Variants in FLVCR1 observed in about 807,000 individuals in gnomAD.
FLVCR1 encodes choline/ethanolamine transporter FLVCR1.
In FLVCR1, 34 loss-of-function variants were observed where a neutral mutation model predicts 53.6. The observed-to-expected ratio is 0.63, with a 90% CI of 0.48 to 0.84. FLVCR1 has a LOEUF of 0.84. FLVCR1 is among the 40% of genes least tolerant of loss of function. FLVCR1 has a pLI of 0.00. For synonymous variants in FLVCR1, 300 were observed against 286.3 expected, an observed-to-expected ratio of 1.05 and a Z score of -0.48; for missense variants, 677 against 696.7, an observed-to-expected ratio of 0.97 and a Z score of 0.32.
At chr1:212,892,866 C>T in intron 8 of FLVCR1, among the ~76,000 whole-genome samples, 1 of 151,892 alleles carries the variant, frequency 6.6e-6, no homozygotes, top group Non-Finnish European at 1.5e-5. Context: ...AAACTATCAA[C>T]ATTAACAGGA....
chr1:212,895,596 T>C lies in FLVCR1; in HGVS notation c.*306T>C. The C allele has an allele frequency of 2.7e-6, 1 of 371,696 alleles. No homozygotes were observed. Among genetic ancestry groups the C allele is most frequent in the Non-Finnish European group, 5.0e-6 (1 of 200,104 alleles). The allele number at this position is 371,696 out of a possible 1,614,324, so 23.0% of individuals were successfully genotyped here. A position where few individuals can be genotyped will look rare whatever the true frequency, so the allele number is the denominator to read the frequency against. On this transcript the variant is annotated 3_prime_UTR_variant, in exon 10 of 10. Coordinates refer to ENST00000366971, the MANE Select transcript of FLVCR1 (RefSeq NM_014053.4). ...GACGTTTACTTTTTAAAAGTCGATG[T>C]TTTTCTTTTTTGTAGAAAATGGAAG...
intron 2 of FLVCR1, among the ~76,000 whole-genome samples, chr1:212,866,920 A>C (rs1236162299): frequency 6.6e-6 from 1 of 152,250 alleles, no homozygotes; most frequent in African/African-American, 2.4e-5. Flanking sequence ...TGACATTTAA[A>C]TAGAACACAT....
chr1:212,894,299 G>A (rs12754609), intron 8 of FLVCR1, among the ~76,000 whole-genome samples: 59,931 of 151,878 alleles, frequency 0.39, 13,317 homozygotes, highest in South Asian at 0.52. Context: ...GACTACAGGT[G>A]CGTGCCGCCA....
At chr1:212,889,596 G>A (rs1230417657) in intron 8 of FLVCR1, among the ~76,000 whole-genome samples, 5 of 151,820 alleles carry the variant, frequency 3.3e-5, no homozygotes, top group Non-Finnish European at 5.9e-5. Context: ...GCGAAACCCC[G>A]TCTCTACTAA....
chr1:212,876,507 A>G (rs1475024898), intron 3 of FLVCR1, among the ~76,000 whole-genome samples: 2 of 151,932 alleles, frequency 1.3e-5, no homozygotes, highest in African/African-American at 2.4e-5. Context: ...CTGGGATTAC[A>G]GGCAAGTGCC....
chr1:212,862,642 A>G (rs755116520), intron 1 of FLVCR1, among the ~76,000 whole-genome samples: 40 of 152,324 alleles, frequency 2.6e-4, no homozygotes, highest in Admixed American at 1.7e-3. Flanking sequence ...GCTGCTGTGA[A>G]CATTCATATG....
rs573291696 is a variant in FLVCR1, at chr1:212,887,501, A to C, written c.1197-390A>C. 2.6e-5 allele frequency among the ~76,000 whole-genome samples: 4 copies of C among 152,342 alleles called. No individual in the cohort carries two copies. In the South Asian group the frequency reaches 8.3e-4, roughly 32 times the overall value. On this transcript the variant is annotated intron_variant, in intron 5 of 9. Transcript: ENST00000366971. ...ATAACAAACTAAAATAGATGTCATAAGTTTTATAGTGCCAGTATGATAAGG... is the reference window on the plus strand; with the variant it reads ...ATAACAAACTAAAATAGATGTCATACGTTTTATAGTGCCAGTATGATAAGG...
Position 212,896,643 on chromosome 1 carries a change from GCTAGTCA to G in FLVCR1, c.*1354_*1360del, listed in dbSNP as rs1459870537. The G allele has an allele frequency of 2.0e-5, 3 of 152,036 alleles. No homozygotes were observed. The highest frequency in any genetic ancestry group is 4.4e-5 in the Non-Finnish European group (3 of 68,010). 9.4% of individuals were successfully genotyped at this position (152,036 alleles called of 1,614,324 possible). ...ATTATGTTCATATGCACCCAAAAAA[GCTAGTCA>G]GGTAATGAATACCCTTGAAGTGAAT... On this transcript the variant is annotated 3_prime_UTR_variant, in exon 10 of 10. Transcript: ENST00000366971.
chr1:212,867,572 G>A (rs1000663131), intron 2 of FLVCR1, among the ~76,000 whole-genome samples: 3 of 152,080 alleles, frequency 2.0e-5, no homozygotes, highest in Non-Finnish European at 4.4e-5. Context: ...TTTTTACTGA[G>A]CCTTATTTTT....
chr1:212,889,278 G>A (rs1228703324), intron 8 of FLVCR1, 21 bp downstream of exon 8: 3 of 1,454,256 alleles, frequency 2.1e-6, no homozygotes, highest in East Asian at 2.3e-5. Flanking sequence ...GCGTTTGCCT[G>A]GCAAAAGGAC....
At position 212,898,695 on chromosome 1, in the gene FLVCR1, CAG is replaced by C. The variant is rs1665403583; in HGVS notation, c.*3408_*3409del. 6.6e-6 allele frequency: 1 copy of C among 152,168 alleles called. No homozygotes were observed. Among genetic ancestry groups the C allele is most frequent in the East Asian group, 1.9e-4 (1 of 5,198 alleles). 9.4% of individuals were successfully genotyped at this position (152,168 alleles called of 1,614,324 possible). A position where few individuals can be genotyped will look rare whatever the true frequency, so the allele number is the denominator to read the frequency against. ...TCTACAGTAATGTGTGACTTCATGA[CAG>C]AGCTACATTCTGAGAAATTTGTCAT... On this transcript the variant is annotated 3_prime_UTR_variant, in exon 10 of 10. Coordinates refer to ENST00000366971, the MANE Select transcript of FLVCR1 (RefSeq NM_014053.4).
chr1:212,870,910 A>G (rs993902551), intron 2 of FLVCR1, among the ~76,000 whole-genome samples: 5 of 152,146 alleles, frequency 3.3e-5, no homozygotes, highest in Non-Finnish European at 5.9e-5. Flanking sequence ...AACTACAGGC[A>G]TGTGCCACCA....
chr1:212,886,365 G>A (rs771986879), intron 5 of FLVCR1, among the ~76,000 whole-genome samples: 26 of 151,932 alleles, frequency 1.7e-4, no homozygotes, highest in Non-Finnish European at 3.5e-4. Flanking sequence ...TTTTTATGTT[G>A]TGGGCTTAAA....
intron 2 of FLVCR1, among the ~76,000 whole-genome samples, chr1:212,867,628 A>T (rs1486966843): frequency 6.6e-6 from 1 of 152,182 alleles, no homozygotes; most frequent in Non-Finnish European, 1.5e-5. Context: ...TGTTGTATTT[A>T]AAAGCTGTTC....
chr1:212,874,598 G>A (rs1188474214), intron 3 of FLVCR1, among the ~76,000 whole-genome samples: 2 of 137,948 alleles, frequency 1.4e-5, no homozygotes, highest in South Asian at 2.3e-4. Flanking sequence ...GTATGATCTC[G>A]GCTCACTGCA....
chr1:212,893,070 G>GA (rs917026210), intron 8 of FLVCR1, among the ~76,000 whole-genome samples: 1 of 148,778 alleles, frequency 6.7e-6, no homozygotes, highest in Non-Finnish European at 1.5e-5. Context: ...TTTTTTGGGG[G>GA]GGGGTGCCGG....
At position 212,883,551 on chromosome 1, in the gene FLVCR1, T is replaced by TTTG. The variant is rs1208557401; in HGVS notation, c.1092+113_1092+114insTTG. The TTTG allele has an allele frequency of 7.6e-6, 5 of 658,970 alleles. No homozygotes were observed. The Admixed American group carries it at 1.3e-4, about 17-fold the overall frequency. 40.8% of individuals were successfully genotyped at this position (658,970 alleles called of 1,614,324 possible). ...GGGTTATGACATTGTTGCTATCAAA[T>TTTG]ATTTACATTTGTTTTAATTGAGAAT... On this transcript the variant is annotated intron_variant, in intron 4 of 9. Transcript: ENST00000366971.
chr1:212,871,104 A>G (rs1315076132), intron 2 of FLVCR1, among the ~76,000 whole-genome samples: 1 of 152,120 alleles, frequency 6.6e-6, no homozygotes, highest in African/African-American at 2.4e-5. Context: ...TGTTTCATCA[A>G]TCTTGAGGTA....
At position 212,858,585 on chromosome 1, in the gene FLVCR1, G is replaced by A. The variant is rs532977695; in HGVS notation, c.133G>A (p.Gly45Ser). 42 of 1,501,940 alleles carry A rather than the reference G, an allele frequency of 2.8e-5. No homozygotes were observed. The Middle Eastern group carries it at 7.5e-4, about 27-fold the overall frequency. 93.0% of individuals were successfully genotyped at this position (1,501,940 alleles called of 1,614,324 possible). The change falls in exon 1 of 10, where the codon GGC becomes AGC. Residue 45 changes from glycine to serine, a missense_variant. By Grantham distance (56) the Gly-to-Ser change is moderately conservative. Coordinates refer to ENST00000366971, the MANE Select transcript of FLVCR1 (RefSeq NM_014053.4). ...GGAGCTGCAGAACGGGCCCAAAGCG[G>A]GCACCTTCCCGGTGAATGGGGCCCC... ...SVELQNGPKAGTFPVNGAPRD... is the reference protein window; with the variant it reads ...SVELQNGPKASTFPVNGAPRD...
Sources: gnomAD v4.1 joint callset for allele counts (sites outside exome capture counted in the v4.1 genomes callset) on GRCh38, gnomAD v4.1.1 for gene constraint, MANE v1.5 for transcripts, NCBI Gene and HGNC (gene_info 2026-07-23, HGNC 2026-07-21) for gene names.